NUTM1: variants seen among roughly 807,000 people sequenced by gnomAD.
NUTM1 encodes the protein NUT family member 1.
In NUTM1, 39 loss-of-function variants were observed where a neutral mutation model predicts 88.7. The ratio of observed to expected loss-of-function variants is 0.44; its 90% CI spans 0.34 to 0.57. NUTM1 has a LOEUF of 0.57. Ranked by LOEUF, NUTM1 falls within the 20% of genes least tolerant of loss-of-function variation. The pLI is 0.01. For missense variants in NUTM1, 1,350 were observed against 1,414.5 expected, an observed-to-expected ratio of 0.95 and a Z score of 0.73; for synonymous variants, 494 against 538.0, an observed-to-expected ratio of 0.92 and a Z score of 1.13.
chr15:34,346,238 C>G (rs1395697002), intron 2 of NUTM1, among the ~76,000 whole-genome samples: 1 of 152,114 alleles, frequency 6.6e-6, no homozygotes, highest in African/African-American at 2.4e-5. Context: ...TAAGGTGTCT[C>G]TGAGGACACA....
chr15:34,350,740 T>C lies in NUTM1; in HGVS notation c.846T>C (p.Thr282=), dbSNP rs755329052. The stretch of plus-strand genomic sequence containing the variant: ...GTTCCCTGGCCCGGCTGAAGCCCAC[T>C]ATGACCCTGGAGGAGGGACTGCCAT... ...VLRSLARLKP[T]MTLEEGLPLA... is the part of the protein sequence containing the mutation. Residue 282 remains threonine (T), a synonymous_variant, in exon 4 of 8, where the codon ACT becomes ACC. Transcript: ENST00000537011. The C allele has an allele frequency of 6.2e-7, 1 of 1,613,634 alleles. No individual in the cohort carries two copies. The highest frequency in any genetic ancestry group is 2.2e-5 in the East Asian group (1 of 44,868).
Position 34,354,428 on chromosome 15 carries a change from G to C in NUTM1, c.1076-18G>C. On this transcript the variant is annotated intron_variant, in intron 5 of 7. Coordinates refer to ENST00000537011, the MANE Select transcript of NUTM1 (RefSeq NM_001284292.2). ...TTTCTGTGCTACTTCCCATTCTCCTGTCCATCTCTTCCCTTAGTGTACATT... is the reference window on the plus strand; with the variant it reads ...TTTCTGTGCTACTTCCCATTCTCCTCTCCATCTCTTCCCTTAGTGTACATT... 2 of 1,612,574 alleles carry C rather than the reference G, an allele frequency of 1.2e-6. No individual in the cohort carries two copies. Among genetic ancestry groups the C allele is most frequent in the East Asian group, 2.2e-5 (1 of 44,874 alleles).
In NUTM1 at chr15:34,348,554, G is replaced by A. The variant is rs1890651218; in HGVS notation, c.686G>A (p.Gly229Asp). Residue 229 changes from glycine to aspartate, a missense_variant, in exon 3 of 8, where the codon GGT (glycine) becomes GAT (aspartate). Transcript: ENST00000537011. ...PVATLSKPSL[G>D]DRSKISKDVY... ...GCCACTCTATCCAAGCCTTCCCTAG[G>A]TGACCGCTCCAAAATTTCCAAGGAC... 6.2e-7 allele frequency: 1 copy of A among 1,613,918 alleles called. No homozygotes were observed. The highest frequency in any genetic ancestry group is 8.5e-7 in the Non-Finnish European group (1 of 1,180,058).
intron 5 of NUTM1, 27 bp from the exon 6 acceptor site, chr15:34,354,419 C>G (rs1311563431): frequency 6.2e-7 from 1 of 1,610,654 alleles, no homozygotes; most frequent in Non-Finnish European, 8.5e-7. Flanking sequence ...TGCTACTTCC[C>G]ATTCTCCTGT....
intron 4 of NUTM1, among the ~76,000 whole-genome samples, chr15:34,351,227 CAAAAAAAAAAAAAAAAAAAA>C (rs397853945): frequency 8.7e-5 from 3 of 34,466 alleles, no homozygotes; most frequent in Admixed American, 5.6e-4. Flanking sequence ...GACTCCATCT[CAAAAAAAAAAAAAAAAAAAA>C]AAAAAAAAAA....
Position 34,357,074 on chromosome 15 carries a change from C to T in NUTM1, c.3066C>T (p.His1022=). The change falls in exon 8 of 8, where the codon CAC becomes CAT. Residue 1022 remains histidine, a synonymous_variant. Coordinates refer to ENST00000537011, the MANE Select transcript of NUTM1 (RefSeq NM_001284292.2). ...VPRETSVSKT[H]RSADRAKGKE... is the part of the protein sequence containing the mutation. ...GAGAAACTTCTGTTAGTAAAACACA[C>T]AGGTCAGCAGACAGGGCCAAAGGAA... is the stretch of plus-strand genomic sequence containing the variant. The T allele has an allele frequency of 6.2e-7, 1 of 1,613,988 alleles. No homozygotes were observed. The highest frequency in any genetic ancestry group is 8.5e-7 in the Non-Finnish European group (1 of 1,179,982).
chr15:34,356,928 C>G lies in NUTM1; in HGVS notation c.2920C>G (p.Leu974Val), dbSNP rs1220117100. ...VDPDLSKPKN[L>V]APLQESQESY... Reference sequence around the variant, plus strand: ...TCCTGATCTGTCCAAGCCTAAAAACCTTGCTCCTTTACAAGAGAGTCAGGA... The same window carrying G: ...TCCTGATCTGTCCAAGCCTAAAAACGTTGCTCCTTTACAAGAGAGTCAGGA... The change falls in exon 8 of 8, where the codon CTT becomes GTT. Residue 974 changes from leucine (L) to valine (V), a missense_variant. By Grantham distance (32) the Leu-to-Val change is conservative (BLOSUM62 1). Coordinates refer to ENST00000537011, the MANE Select transcript of NUTM1 (RefSeq NM_001284292.2). 1 of 1,613,598 alleles carries G rather than the reference C, an allele frequency of 6.2e-7. No homozygotes were observed. Among genetic ancestry groups the G allele is most frequent in the African/African-American group, 1.3e-5 (1 of 74,748 alleles).
At chr15:34,346,092 A>G in intron 2 of NUTM1, 57 bp downstream of exon 2, 1 of 1,557,470 alleles carries the variant, frequency 6.4e-7, no homozygotes, top group Non-Finnish European at 8.9e-7. Context: ...CTTTGAGACA[A>G]GCTCTCTGGG....
intron 2 of NUTM1, 96 bp from the exon 3 acceptor site, chr15:34,347,873 A>C: frequency 1.7e-6 from 1 of 603,440 alleles, no homozygotes; most frequent in Non-Finnish European, 2.6e-6. Flanking sequence ...AATAAAAATA[A>C]AAATAAAAAT....
rs988167975 is a variant in NUTM1, at chr15:34,350,843, T to C, written c.938+11T>C. 1 of 1,613,792 alleles carries C rather than the reference T, an allele frequency of 6.2e-7. No individual in the cohort carries two copies. Among genetic ancestry groups the C allele is most frequent in the African/African-American group, 1.3e-5 (1 of 74,906 alleles). ...TGAGATGGCAGAAAGGTGAGTTCGATGAACCTTCATTCTCCTGAGGGAGGC... is the reference window on the plus strand; with the variant it reads ...TGAGATGGCAGAAAGGTGAGTTCGACGAACCTTCATTCTCCTGAGGGAGGC... On this transcript the variant is annotated intron_variant, in intron 4 of 7. Coordinates refer to ENST00000537011, the MANE Select transcript of NUTM1 (RefSeq NM_001284292.2).
In NUTM1 at chr15:34,348,531, C is replaced by T. The variant is rs1431742866; in HGVS notation, c.663C>T (p.Ala221=). Residue 221 remains alanine, a synonymous_variant, in exon 3 of 8, where the codon GCC becomes GCT. Coordinates refer to ENST00000537011, the MANE Select transcript of NUTM1 (RefSeq NM_001284292.2). The part of the protein sequence containing the change: ...HGTTGEGGPV[A]TLSKPSLGDR... ...CAACCGGGGAAGGAGGTCCTGTGGC[C>T]ACTCTATCCAAGCCTTCCCTAGGTG... The T allele has an allele frequency of 6.2e-7, 1 of 1,614,148 alleles. No homozygotes were observed. Among genetic ancestry groups the T allele is most frequent in the Admixed American group, 1.7e-5 (1 of 60,024 alleles).
chr15:34,356,401 T>G lies in NUTM1; in HGVS notation c.2393T>G (p.Leu798Arg). 1 of 1,612,186 alleles carries G rather than the reference T, an allele frequency of 6.2e-7. No individual in the cohort carries two copies. The highest frequency in any genetic ancestry group is 8.5e-7 in the Non-Finnish European group (1 of 1,179,148). ...QGLGSRGNIS[L>R]GPGETLVPGD... Reference sequence around the variant, plus strand: ...CTGGGCTCCAGGGGCAACATTTCCCTGGGTCCTGGAGAAACCCTAGTACCT... The same window carrying G: ...CTGGGCTCCAGGGGCAACATTTCCCGGGGTCCTGGAGAAACCCTAGTACCT... The change falls in exon 8 of 8, where the codon CTG (leucine) becomes CGG (arginine). Residue 798 changes from leucine to arginine, a missense_variant. Physicochemically the swap from Leu to Arg is moderately radical, Grantham distance 102. Around this residue, in one of 5 missense-constraint regions of NUTM1, gnomAD observed 730 missense variants for 728.8 expected, o/e 1.00. Transcript: ENST00000537011.
rs553862568 is a variant in NUTM1 at position 34,349,414 on chromosome 15, C to G, written c.809+737C>G. ...GCGCAGAGAATGTTTCATTAAATGTCAACTGTTTTATTATTATCCTAAAAA... is the reference window on the plus strand; with the variant it reads ...GCGCAGAGAATGTTTCATTAAATGTGAACTGTTTTATTATTATCCTAAAAA... On this transcript the variant is annotated intron_variant, in intron 3 of 7. Coordinates refer to ENST00000537011, the MANE Select transcript of NUTM1 (RefSeq NM_001284292.2). Among the ~76,000 whole-genome samples the G allele has an allele frequency of 3.9e-5, 6 of 152,272 alleles. No individual in the cohort carries two copies. The East Asian group carries it at 1.2e-3, about 29-fold the overall frequency.
chr15:34,354,193 C>T (rs1427629512), intron 5 of NUTM1, among the ~76,000 whole-genome samples: 4 of 152,090 alleles, frequency 2.6e-5, no homozygotes, highest in East Asian at 1.9e-4. Context: ...CAAAATTCCT[C>T]ATACAGTGAT....
rs1890524485 is a variant in NUTM1 at position 34,343,519 on chromosome 15, T to A, written c.-178T>A. ...AAGAGGTTTTCTTCCCTCCCCTCTT[T>A]TACATCCAGTTCCCCTGCTCCATTT... is the stretch of plus-strand genomic sequence containing the variant. On this transcript the variant is annotated 5_prime_UTR_variant, in exon 1 of 8. Coordinates refer to ENST00000537011, the MANE Select transcript of NUTM1 (RefSeq NM_001284292.2). 1 of 1,432,090 alleles carries A rather than the reference T, an allele frequency of 7.0e-7. No individual in the cohort carries two copies. Among genetic ancestry groups the A allele is most frequent in the Non-Finnish European group, 9.4e-7 (1 of 1,063,842 alleles). 88.7% of individuals were successfully genotyped at this position (1,432,090 alleles called of 1,614,324 possible).
chr15:34,347,840 G>A lies in NUTM1; in HGVS notation c.101-129G>A, dbSNP rs971295362. The A allele has an allele frequency of 2.2e-4, 114 of 522,482 alleles. 1 individual carries two copies. Among genetic ancestry groups the A allele is most frequent in the Middle Eastern group, 5.2e-4 (1 of 1,914 alleles). 32.4% of individuals were successfully genotyped at this position (522,482 alleles called of 1,614,324 possible). A position where few individuals can be genotyped will look rare whatever the true frequency, so the allele number is the denominator to read the frequency against. Reference sequence around the variant, plus strand: ...TGCACTCCAGCCTGGGCGACAGAGCGAGACTCCATCTCAAAAAATAAAAAT... The same window carrying A: ...TGCACTCCAGCCTGGGCGACAGAGCAAGACTCCATCTCAAAAAATAAAAAT... On this transcript the variant is annotated intron_variant, in intron 2 of 7. Coordinates refer to ENST00000537011, the MANE Select transcript of NUTM1 (RefSeq NM_001284292.2).
In NUTM1 at chr15:34,355,695, G is replaced by T. The variant is rs778560900; in HGVS notation, c.1687G>T (p.Glu563Ter). ...KVSSSGKRAR[E>*]VHGGQEQALD... Reference sequence around the variant, plus strand: ...TTCTTCTTCAGGAAAACGGGCAAGAGAAGTGCATGGTGGGCAGGAGCAAGC... The same window carrying T: ...TTCTTCTTCAGGAAAACGGGCAAGATAAGTGCATGGTGGGCAGGAGCAAGC... Residue 563 changes from glutamate (E) to a stop codon, truncating the protein, a stop_gained, in exon 8 of 8, where the codon GAA (glutamate) becomes TAA (stop). Coordinates refer to ENST00000537011, the MANE Select transcript of NUTM1 (RefSeq NM_001284292.2). LOFTEE classifies it high-confidence loss of function. The surrounding 1 kb of genome is among the most constrained non-coding windows in gnomAD (Gnocchi z 4.3). 1 of 1,609,944 alleles carries T rather than the reference G, an allele frequency of 6.2e-7. No individual in the cohort carries two copies.
chr15:34,343,618 T>C lies in NUTM1; in HGVS notation c.-79T>C. 1 of 1,535,476 alleles carries C rather than the reference T, an allele frequency of 6.5e-7. No homozygotes were observed. The highest frequency in any genetic ancestry group is 1.2e-5 in the South Asian group (1 of 84,026). The stretch of plus-strand genomic sequence containing the variant: ...AGCGAAAGAGCGTAAAGTTATTTTA[T>C]GAAACTGGTGAAGCATGTTTCAGCG... On this transcript the variant is annotated 5_prime_UTR_variant, in exon 1 of 8. The change abolishes an upstream ATG in the 5' untranslated region. Coordinates refer to ENST00000537011, the MANE Select transcript of NUTM1 (RefSeq NM_001284292.2).
At chr15:34,351,378 T>C (rs1595611136) in intron 4 of NUTM1, among the ~76,000 whole-genome samples, 1 of 120,652 alleles carries the variant, frequency 8.3e-6, no homozygotes, top group African/African-American at 3.0e-5. Flanking sequence ...CAAGACCTCA[T>C]CACAAAAAAA....
Sources: allele counts gnomAD v4.1 joint callset (sites outside exome capture counted in the v4.1 genomes callset), GRCh38; gene constraint gnomAD v4.1.1; regional missense constraint gnomAD v4.1.1; non-coding constraint Gnocchi (gnomAD v3.1); transcripts MANE v1.5; gene names NCBI Gene and HGNC (gene_info 2026-07-23, HGNC 2026-07-21).